The following DYNLT2 variants were observed in gnomAD, a reference collection of about 807,000 sequenced individuals.
DYNLT2 encodes dynein light chain Tctex-type 2, also known as dynein light chain Tctex-type protein 2.
A neutral mutation model predicts 24.3 loss-of-function variants in DYNLT2; 24 were observed. The observed-to-expected ratio is 0.99, with a 90% CI of 0.71 to 1.39. DYNLT2 has a LOEUF of 1.39. Ranked by LOEUF, DYNLT2 falls within the 40% of genes most tolerant of loss-of-function variation. The pLI is 0.00. For synonymous variants in DYNLT2, 85 were observed against 85.4 expected (o/e 1.00, Z 0.03); for missense variants, 246 against 234.5 (o/e 1.05, Z -0.32).
the DYNLT2 span, chr6:169,725,954 A>G: frequency 6.6e-6 from 1 of 152,242 alleles, no homozygotes; most frequent in African/African-American, 2.4e-5. Context: ...AATTGTTTCA[A>G]AACAACTTAC....
downstream of DYNLT2, among the ~76,000 whole-genome samples, chr6:169,736,403 T>C (rs948166542): frequency 2.6e-5 from 4 of 152,212 alleles, no homozygotes; most frequent in African/African-American, 4.8e-5. Flanking sequence ...AGTTTCTTCA[T>C]AGTGTCATTG....
the DYNLT2 span, among the ~76,000 whole-genome samples, chr6:169,729,143 A>C: frequency 7.2e-5 from 11 of 152,214 alleles, no homozygotes; most frequent in Admixed American, 7.2e-4. Context: ...ATTTAAATTT[A>C]TTACAGTCTT....
At chr6:169,734,754 T>G in the DYNLT2 span, among the ~76,000 whole-genome samples, 37 of 152,328 alleles carry the variant, frequency 2.4e-4, no homozygotes, top group South Asian at 8.3e-4. Flanking sequence ...TTTCTTTTTT[T>G]TTGTTGTGTC....
intron 1 of DYNLT2, among the ~76,000 whole-genome samples, chr6:169,749,262 G>A (rs781363329): frequency 7.2e-5 from 11 of 152,080 alleles, no homozygotes; most frequent in Non-Finnish European, 1.3e-4. Context: ...CACCAAGCCC[G>A]GCTAATTTTT....
chr6:169,747,416 C>CA (rs34469036), intron 1 of DYNLT2, among the ~76,000 whole-genome samples: 76,907 of 151,864 alleles, frequency 0.51, 24,014 homozygotes, highest in East Asian at 0.98. Context: ...TCTCTCACCT[C>CA]TTTGGGGACT....
At chr6:169,728,923 G>A in the DYNLT2 span, among the ~76,000 whole-genome samples, 1 of 152,124 alleles carries the variant, frequency 6.6e-6, no homozygotes. Context: ...TTAATACAAA[G>A]TGTATCAGCA....
At chr6:169,735,401 A>G (rs1241682830), downstream of DYNLT2, among the ~76,000 whole-genome samples, 1 of 152,100 alleles carries the variant, frequency 6.6e-6, no homozygotes, top group Admixed American at 6.6e-5. Context: ...AGATCTTTCT[A>G]GCTTTCTGAT....
the DYNLT2 span, among the ~76,000 whole-genome samples, chr6:169,729,088 A>G: frequency 2.0e-5 from 3 of 152,224 alleles, no homozygotes; most frequent in African/African-American, 4.8e-5. Flanking sequence ...AAGACAACCA[A>G]CTTCAACACT....
At chr6:169,737,620 A>G (rs1789588431), downstream of DYNLT2, among the ~76,000 whole-genome samples, 1 of 151,786 alleles carries the variant, frequency 6.6e-6, no homozygotes, top group Admixed American at 6.6e-5. Flanking sequence ...TACTCATCTG[A>G]TTTGCTCTTA....
At chr6:169,728,950 T>C in the DYNLT2 span, among the ~76,000 whole-genome samples, 1 of 152,246 alleles carries the variant, frequency 6.6e-6, no homozygotes, top group Non-Finnish European at 1.5e-5. Context: ...CCTGTGGACC[T>C]CTTCACCCTT....
the DYNLT2 span, chr6:169,725,975 T>C: frequency 6.6e-6 from 1 of 152,270 alleles, no homozygotes; most frequent in African/African-American, 2.4e-5. Flanking sequence ...GTAATCCTCC[T>C]CGTTTTTCCT....
At chr6:169,732,642 C>A in the DYNLT2 span, among the ~76,000 whole-genome samples, 2 of 152,184 alleles carry the variant, frequency 1.3e-5, no homozygotes, top group African/African-American at 4.8e-5. Flanking sequence ...GCATAGTATA[C>A]CATGGTGTAT....
the DYNLT2 span, among the ~76,000 whole-genome samples, chr6:169,732,143 A>G: frequency 3.3e-5 from 5 of 152,144 alleles, no homozygotes; most frequent in Admixed American, 3.3e-4. Context: ...TTTGGCTACA[A>G]CTATCATGTA....
chr6:169,734,994 A>C, the DYNLT2 span, among the ~76,000 whole-genome samples: 1 of 152,120 alleles, frequency 6.6e-6, no homozygotes, highest in African/African-American at 2.4e-5. Context: ...CAGGGATTCA[A>C]CTTCTTCCTG....
At chr6:169,739,418 T>C (rs1336630920), downstream of DYNLT2, among the ~76,000 whole-genome samples, 1 of 152,048 alleles carries the variant, frequency 6.6e-6, no homozygotes, top group African/African-American at 2.4e-5. Context: ...AAGGAGGGAA[T>C]TACAACTGGT....
Position 169,751,436 on chromosome 6 carries a change from A to G in DYNLT2, c.23T>C (p.Val8Ala). Residue 8 changes from valine (V) to alanine (A), a missense_variant, in exon 1 of 4, where the codon GTG (valine) becomes GCG (alanine). Val to Ala is a moderately conservative substitution (Grantham distance 64). Coordinates refer to ENST00000366774, the MANE Select transcript of DYNLT2 (RefSeq NM_174910.3). ...CGGGGTCTGGATGGGGCTCGACTTC[A>G]CGCCTCGGCCTCGCTTCTCCATCTC... MEKRGRGVKSSPIQTPNQ... is the reference protein window; with the variant it reads MEKRGRGAKSSPIQTPNQ... The G allele has an allele frequency of 1.2e-6, 2 of 1,613,848 alleles. No individual in the cohort carries two copies. The highest frequency in any genetic ancestry group is 1.7e-6 in the Non-Finnish European group (2 of 1,179,958).
chr6:169,734,289 T>C, the DYNLT2 span, among the ~76,000 whole-genome samples: 1 of 152,228 alleles, frequency 6.6e-6, no homozygotes, highest in Non-Finnish European at 1.5e-5. Flanking sequence ...TTCTCTTGCC[T>C]GATTGCCCTG....
chr6:169,738,876 T>C (rs564115917), downstream of DYNLT2: 1 of 152,298 alleles, frequency 6.6e-6, no homozygotes, highest in South Asian at 2.1e-4. Flanking sequence ...GGCCAAACTT[T>C]CATGCACTCC....
the DYNLT2 span, among the ~76,000 whole-genome samples, chr6:169,733,196 G>A: frequency 6.6e-6 from 1 of 152,020 alleles, no homozygotes; most frequent in African/African-American, 2.4e-5. Context: ...ACTTTTGTCA[G>A]ATGGGTAGAT....
Sources: gnomAD v4.1 joint callset for allele counts (sites outside exome capture counted in the v4.1 genomes callset) on GRCh38, gnomAD v4.1.1 for gene constraint, MANE v1.5 for transcripts, NCBI Gene and HGNC (gene_info 2026-07-23, HGNC 2026-07-21) for gene names.